EIF4G3: variants seen among roughly 807,000 people sequenced by gnomAD.
EIF4G3 encodes eIF-4-gamma 3.
Under a neutral mutation model 186.4 loss-of-function variants are expected in EIF4G3, and 34 were observed. The observed-to-expected ratio is 0.18, with a 90% confidence interval of 0.14 to 0.24. The LOEUF is 0.24. EIF4G3 is among the 10% of genes least tolerant of loss of function. EIF4G3 has a pLI of 1.00. For missense variants in EIF4G3, 1,536 were observed against 1,948.5 expected, an observed-to-expected ratio of 0.79 and a Z score of 3.99; for synonymous variants, 673 against 679.5, an observed-to-expected ratio of 0.99 and a Z score of 0.15.
intron 20 of EIF4G3, among the ~76,000 whole-genome samples, chr1:20,870,993 A>G (rs1243101447): frequency 5.3e-5 from 8 of 152,210 alleles, no homozygotes; most frequent in Non-Finnish European, 7.3e-5. Context: ...GTGTGTATAC[A>G]GTACTACAGA....
intron 2 of EIF4G3, among the ~76,000 whole-genome samples, chr1:21,142,306 C>T (rs2102674227): frequency 6.6e-6 from 1 of 151,414 alleles, no homozygotes; most frequent in South Asian, 2.1e-4. Flanking sequence ...TTGAGACCAG[C>T]CTGGGCAACA....
chr1:21,072,543 A>G (rs919585017), intron 3 of EIF4G3, among the ~76,000 whole-genome samples: 1 of 151,966 alleles, frequency 6.6e-6, no homozygotes, highest in African/African-American at 2.4e-5. Context: ...AGCTGGGACT[A>G]CAGGTACCTG....
chr1:21,017,906 A>G (rs2089655930), intron 4 of EIF4G3, among the ~76,000 whole-genome samples: 1 of 152,008 alleles, frequency 6.6e-6, no homozygotes, highest in African/African-American at 2.4e-5. Flanking sequence ...TGCAAGATGA[A>G]AAGAGGTATG....
intron 4 of EIF4G3, among the ~76,000 whole-genome samples, chr1:21,019,992 C>T (rs1019575189): frequency 6.6e-6 from 1 of 152,206 alleles, no homozygotes; most frequent in Non-Finnish European, 1.5e-5. Flanking sequence ...AACATTGGCT[C>T]TTCATGTCAA....
At chr1:20,954,575 T>C (rs1327155311) in intron 12 of EIF4G3, among the ~76,000 whole-genome samples, 1 of 124,562 alleles carries the variant, frequency 8.0e-6, no homozygotes, top group African/African-American at 2.9e-5. Flanking sequence ...AAAACAATAA[T>C]ATACTTAACG....
Position 20,895,385 on chromosome 1 carries a change from C to T in EIF4G3, c.2116G>A (p.Asp706Asn), listed in dbSNP as rs2087616361. 1.2e-6 allele frequency: 2 copies of T among 1,613,796 alleles called. No individual in the cohort carries two copies. Among genetic ancestry groups the T allele is most frequent in the Non-Finnish European group, 8.5e-7 (1 of 1,179,764 alleles). ...QKPEGLPPIS[D>N]VVLDKINQPK... ...CAGCTTACCTTGTCAAGAACCACATCACTGATAGGAGGCAGGCCCTCTGGT... is the reference window on the plus strand; with the variant it reads ...CAGCTTACCTTGTCAAGAACCACATTACTGATAGGAGGCAGGCCCTCTGGT... The change falls in exon 17 of 37, where the codon GAT becomes AAT. Residue 706 changes from aspartate (D) to asparagine (N), a missense_variant. Around this residue, in one of 11 missense-constraint regions of EIF4G3, gnomAD observed 139 missense variants for 192.8 expected, o/e 0.72. Transcript: ENST00000602326.
chr1:20,941,953 T>C lies in EIF4G3; in HGVS notation c.1201A>G (p.Asn401Asp), dbSNP rs1573229148. ...GTACTAGAAACCAGTGGAATATCAT[T>C]AGGTGCTACACTACAGGGTTTCTTG... ...ICKKPCSVAP[N>D]DIPLVSSTNL... The change falls in exon 14 of 37, where the codon AAT (asparagine) becomes GAT (aspartate). Residue 401 changes from asparagine (N) to aspartate (D), a missense_variant. By Grantham distance (23) the Asn-to-Asp change is conservative. Coordinates refer to ENST00000602326, the MANE Select transcript of EIF4G3 (RefSeq NM_001391906.1). 1 of 1,614,158 alleles carries C rather than the reference T, an allele frequency of 6.2e-7. No homozygotes were observed. The highest frequency in any genetic ancestry group is 8.5e-7 in the Non-Finnish European group (1 of 1,180,018).
intron 7 of EIF4G3, among the ~76,000 whole-genome samples, chr1:20,989,051 AGGAGAGGAGGGGAGGGGAGG>A (rs1558588854): frequency 7.8e-4 from 5 of 6,424 alleles, no homozygotes; most frequent in Admixed American, 4.5e-3. Flanking sequence ...AAGAGAGGAG[AGGAGAGGAGGGGAGGGGAGG>A]GGAGGGGAGG....
intron 2 of EIF4G3, among the ~76,000 whole-genome samples, chr1:21,155,664 T>G (rs1303894961): frequency 6.6e-6 from 1 of 152,160 alleles, no homozygotes; most frequent in Non-Finnish European, 1.5e-5. Flanking sequence ...GCCACTGCAC[T>G]CCACCCTGGG....
intron 2 of EIF4G3, among the ~76,000 whole-genome samples, chr1:21,171,214 C>T (rs1392445677): frequency 2.0e-5 from 3 of 152,134 alleles, no homozygotes; most frequent in East Asian, 1.9e-4. Context: ...AAGTCATATG[C>T]GTGGCTAATA....
chr1:21,140,472 C>A (rs1469806915), intron 2 of EIF4G3, among the ~76,000 whole-genome samples: 1 of 152,160 alleles, frequency 6.6e-6, no homozygotes, highest in African/African-American at 2.4e-5. Flanking sequence ...CACCACCATG[C>A]ATGGCTAATT....
chr1:20,906,751 A>C (rs1278569517), intron 14 of EIF4G3, among the ~76,000 whole-genome samples: 2 of 152,092 alleles, frequency 1.3e-5, no homozygotes, highest in Non-Finnish European at 2.9e-5. Flanking sequence ...ATTCAGAAAA[A>C]GAGGGACAGA....
At chr1:21,140,689 C>T (rs2097322744) in intron 2 of EIF4G3, among the ~76,000 whole-genome samples, 3 of 152,168 alleles carry the variant, frequency 2.0e-5, no homozygotes, top group Admixed American at 2.0e-4. Flanking sequence ...GATGTGAAGA[C>T]TACTATTTGA....
intron 14 of EIF4G3, among the ~76,000 whole-genome samples, chr1:20,938,321 G>A (rs2095586582): frequency 6.6e-6 from 1 of 152,168 alleles, no homozygotes; most frequent in South Asian, 2.1e-4. Context: ...TATTCACTCA[G>A]AAATATGATC....
chr1:20,875,439 G>A (rs983563152), intron 20 of EIF4G3, among the ~76,000 whole-genome samples: 2 of 152,194 alleles, frequency 1.3e-5, no homozygotes, highest in Non-Finnish European at 2.9e-5. Context: ...GTTTATGACA[G>A]ACAACTGTTT....
At chr1:21,119,740 C>T (rs1412691361) in intron 2 of EIF4G3, among the ~76,000 whole-genome samples, 4 of 151,834 alleles carry the variant, frequency 2.6e-5, no homozygotes, top group African/African-American at 4.8e-5. Context: ...TTATATAGTA[C>T]GGAGGCTATA....
chr1:21,120,933 T>C (rs2096915094), intron 2 of EIF4G3, among the ~76,000 whole-genome samples: 1 of 152,178 alleles, frequency 6.6e-6, no homozygotes, highest in Non-Finnish European at 1.5e-5. Flanking sequence ...TTTTGGGGTG[T>C]TTTTGAGACA....
At chr1:20,927,437 T>C (rs1195184557) in intron 14 of EIF4G3, among the ~76,000 whole-genome samples, 2 of 152,246 alleles carry the variant, frequency 1.3e-5, no homozygotes, top group East Asian at 1.9e-4. Flanking sequence ...ATATCTGGCA[T>C]CCAGCAGCAA....
chr1:20,949,653 T>C (rs767529862), intron 13 of EIF4G3, among the ~76,000 whole-genome samples: 5 of 152,222 alleles, frequency 3.3e-5, no homozygotes, highest in Non-Finnish European at 4.4e-5. Flanking sequence ...CCTAGGGACA[T>C]GCTGAATATA....
Sources: allele counts gnomAD v4.1 joint callset (sites outside exome capture counted in the v4.1 genomes callset), GRCh38; gene constraint gnomAD v4.1.1; regional missense constraint gnomAD v4.1.1; transcripts MANE v1.5; gene names NCBI Gene and HGNC (gene_info 2026-07-23, HGNC 2026-07-21).